Variants in AGBL4 observed in about 807,000 individuals in gnomAD.
AGBL4 encodes AGBL carboxypeptidase 4.
In AGBL4, 58 loss-of-function variants were observed where a neutral mutation model predicts 66.4. The observed-to-expected ratio is 0.87, with a 90% confidence interval of 0.71 to 1.09. AGBL4 has a LOEUF of 1.09. Among genes scored for constraint, AGBL4 ranks in the 50% least tolerant of loss-of-function variants. The pLI, the probability that AGBL4 is intolerant of heterozygous loss-of-function variation, is 0.00. For missense variants in AGBL4, 579 were observed against 631.0 expected (o/e 0.92, Z 0.88); for synonymous variants, 234 against 222.9 (o/e 1.05, Z -0.44).
At chr1:49,723,614 G>A (rs889463007) in intron 2 of AGBL4, among the ~76,000 whole-genome samples, 1 of 152,050 alleles carries the variant, frequency 6.6e-6, no homozygotes, top group Admixed American at 6.6e-5. Context: ...GGTCATCAAA[G>A]CCTTCAGGGC....
chr1:49,931,147 C>T (rs1180958517), intron 1 of AGBL4, among the ~76,000 whole-genome samples: 2 of 152,026 alleles, frequency 1.3e-5, no homozygotes, highest in Admixed American at 6.6e-5. Context: ...TAAAGTACTT[C>T]TTACAATAGT....
intron 2 of AGBL4, among the ~76,000 whole-genome samples, chr1:49,768,352 G>GA (rs566876832): frequency 8.1e-4 from 123 of 152,270 alleles, no homozygotes; most frequent in African/African-American, 2.9e-3. Flanking sequence ...TTATTCCTGG[G>GA]ATGCAGGGTT....
chr1:49,269,684 T>A (rs1266351954), intron 3 of AGBL4, among the ~76,000 whole-genome samples: 3 of 152,180 alleles, frequency 2.0e-5, no homozygotes, highest in African/African-American at 7.2e-5. Flanking sequence ...ATAACCTGTT[T>A]TGGCCATGCT....
chr1:48,525,913 G>A, the AGBL4 span, among the ~76,000 whole-genome samples: 6 of 152,146 alleles, frequency 3.9e-5, no homozygotes, highest in East Asian at 1.9e-4. Flanking sequence ...TGTGGGAGAG[G>A]TGGGTTAATA....
chr1:49,561,701 C>A (rs1311882358), intron 3 of AGBL4, among the ~76,000 whole-genome samples: 1 of 152,094 alleles, frequency 6.6e-6, no homozygotes, highest in Admixed American at 6.6e-5. Flanking sequence ...TTAATCCAGT[C>A]TATCATTGTT....
intron 5 of AGBL4, among the ~76,000 whole-genome samples, chr1:48,964,332 T>C (rs1018481753): frequency 1.3e-5 from 2 of 152,210 alleles, no homozygotes; most frequent in African/African-American, 4.8e-5. Context: ...ATCTGTGTGC[T>C]ATAATTGCTC....
intron 6 of AGBL4, among the ~76,000 whole-genome samples, chr1:48,865,035 A>G (rs1178888084): frequency 4.6e-5 from 7 of 152,006 alleles, no homozygotes; most frequent in Admixed American, 4.6e-4. Flanking sequence ...GCATTTCAGA[A>G]GGCTCCCAGT....
chr1:49,715,220 G>C (rs571227685), intron 2 of AGBL4, among the ~76,000 whole-genome samples: 1 of 152,128 alleles, frequency 6.6e-6, no homozygotes, highest in Non-Finnish European at 1.5e-5. Context: ...GTGGTGTTTG[G>C]TTTTCTGTTC....
At chr1:49,118,370 T>C (rs1438835221) in intron 4 of AGBL4, among the ~76,000 whole-genome samples, 1 of 152,204 alleles carries the variant, frequency 6.6e-6, no homozygotes, top group African/African-American at 2.4e-5. Context: ...AAATGGCTCT[T>C]ATTAATTTGA....
intron 2 of AGBL4, among the ~76,000 whole-genome samples, chr1:49,725,389 G>T (rs901955779): frequency 6.6e-6 from 1 of 152,154 alleles, no homozygotes; most frequent in Admixed American, 6.6e-5. Flanking sequence ...AAATAATGCT[G>T]TGTTTGAGCC....
intron 6 of AGBL4, among the ~76,000 whole-genome samples, chr1:48,734,884 G>T (rs1648770504): frequency 6.6e-6 from 1 of 152,180 alleles, no homozygotes; most frequent in Admixed American, 6.5e-5. Context: ...TTGACTGACT[G>T]AGTCTTACTT....
intron 5 of AGBL4, among the ~76,000 whole-genome samples, chr1:48,952,071 G>T (rs1657037371): frequency 1.3e-5 from 2 of 152,324 alleles, no homozygotes; most frequent in Non-Finnish European, 2.9e-5. Flanking sequence ...CTTGTAAATG[G>T]ATTCAAGAGG....
At chr1:49,950,065 CAT>C (rs750075568) in intron 1 of AGBL4, among the ~76,000 whole-genome samples, 73 of 137,202 alleles carry the variant, frequency 5.3e-4, no homozygotes, top group Non-Finnish European at 8.8e-4. Flanking sequence ...TATATACACA[CAT>C]ATATATACAC....
intron 1 of AGBL4, among the ~76,000 whole-genome samples, chr1:50,018,791 TTC>T (rs1010058943): frequency 1.3e-5 from 2 of 152,138 alleles, no homozygotes; most frequent in African/African-American, 4.8e-5. Context: ...AAAAATAGTT[TTC>T]TGTCTCAATA....
At chr1:48,659,508 AT>A (rs1354555819) in intron 7 of AGBL4, among the ~76,000 whole-genome samples, 8 of 152,164 alleles carry the variant, frequency 5.3e-5, no homozygotes, top group Non-Finnish European at 1.2e-4. Flanking sequence ...GCAAATGGAA[AT>A]TTTCAATGAA....
intron 3 of AGBL4, among the ~76,000 whole-genome samples, chr1:49,543,903 A>G (rs1009683679): frequency 7.2e-5 from 11 of 152,160 alleles, no homozygotes; most frequent in Non-Finnish European, 5.9e-5. Flanking sequence ...CCCTGGAAAA[A>G]ACAAAAAACT....
chr1:49,738,764 C>A (rs1650133853), intron 2 of AGBL4, among the ~76,000 whole-genome samples: 1 of 152,196 alleles, frequency 6.6e-6, no homozygotes, highest in African/African-American at 2.4e-5. Flanking sequence ...TGCTGTTCTG[C>A]AGCCTCTGCT....
intron 2 of AGBL4, among the ~76,000 whole-genome samples, chr1:49,808,999 A>C (rs973129768): frequency 1.3e-5 from 2 of 152,194 alleles, no homozygotes; most frequent in Admixed American, 6.5e-5. Flanking sequence ...AACATGGAAA[A>C]ATCTGAACCT....
intron 3 of AGBL4, among the ~76,000 whole-genome samples, chr1:49,347,528 G>T (rs1253935049): frequency 6.6e-6 from 1 of 151,986 alleles, no homozygotes; most frequent in Non-Finnish European, 1.5e-5. Context: ...TGGGATTACA[G>T]GCGCCCACAT....
Sources: allele counts gnomAD v4.1 joint callset (sites outside exome capture counted in the v4.1 genomes callset), GRCh38; gene constraint gnomAD v4.1.1; transcripts MANE v1.5; gene names NCBI Gene and HGNC (gene_info 2026-07-23, HGNC 2026-07-21).